The following RTN2 variants were observed in gnomAD, a reference collection of about 807,000 sequenced individuals.
RTN2 encodes the protein reticulon 2.
Under a neutral mutation model 63.7 loss-of-function variants are expected in RTN2, and 36 were observed. The ratio of observed to expected loss-of-function variants is 0.56; its 90% CI spans 0.43 to 0.75. RTN2 has a LOEUF of 0.75. Among genes scored for constraint, RTN2 ranks in the 30% least tolerant of loss-of-function variants. The pLI is 0.00. For synonymous variants in RTN2, 312 were observed against 313.0 expected, an observed-to-expected ratio of 1.00 and a Z score of 0.03; for missense variants, 673 against 705.1, an observed-to-expected ratio of 0.95 and a Z score of 0.52.
chr19:45,495,236 G>T, intron 1 of RTN2, 97 bp from the exon 2 acceptor site: 3 of 1,428,542 alleles, frequency 2.1e-6, no homozygotes, highest in Non-Finnish European at 2.9e-6. Flanking sequence ...TGAATCACGG[G>T]ATTTTTAGAA....
Position 45,485,666 on chromosome 19 carries a change from C to CG in RTN2, c.*41dup. On this transcript the variant is annotated 3_prime_UTR_variant, in exon 11 of 11. Transcript: ENST00000245923. ...AGAGATGGAGGGGGCCAGAGGGCTG[C>CG]GGGGGCTGGGGGCAGGCGTCCTGCG... is the stretch of plus-strand genomic sequence containing the variant. The CG allele has an allele frequency of 6.6e-7, 1 of 1,517,360 alleles. No individual in the cohort carries two copies. 94.0% of individuals were successfully genotyped at this position (1,517,360 alleles called of 1,614,324 possible).
intron 1 of RTN2, among the ~76,000 whole-genome samples, chr19:45,496,114 C>T (rs545945953): frequency 1.3e-5 from 2 of 152,082 alleles, no homozygotes; most frequent in Non-Finnish European, 2.9e-5. Flanking sequence ...GGAATCCAGC[C>T]CCTTAGAGCT....
At chr19:45,490,303 A>G (rs1356048299) in intron 5 of RTN2, among the ~76,000 whole-genome samples, 1 of 152,012 alleles carries the variant, frequency 6.6e-6, no homozygotes. Context: ...CCTGGCCTTA[A>G]TTCATTATTT....
At position 45,486,047 on chromosome 19, in the gene RTN2, G is replaced by A. The variant is rs760822584; in HGVS notation, c.1556+8C>T. The stretch of plus-strand genomic sequence containing the variant: ...CCCCTCCCATCGACCTCCGCCCCAT[G>A]CTCTTACTTAGCTTTGATGTGGCTC... On this transcript the variant is annotated splice_region_variant and intron_variant, in intron 10 of 10. Transcript: ENST00000245923. The A allele has an allele frequency of 6.2e-7, 1 of 1,613,798 alleles. No homozygotes were observed. Among genetic ancestry groups the A allele is most frequent in the Non-Finnish European group, 8.5e-7 (1 of 1,179,752 alleles).
intron 1 of RTN2, among the ~76,000 whole-genome samples, chr19:45,495,686 G>C (rs536638587): frequency 6.6e-6 from 1 of 152,292 alleles, no homozygotes; most frequent in African/African-American, 2.4e-5. Context: ...CAGATGTTCA[G>C]GGACGTCTTC....
chr19:45,490,228 CT>C, intron 5 of RTN2, among the ~76,000 whole-genome samples: 1 of 152,116 alleles, frequency 6.6e-6, no homozygotes, highest in South Asian at 2.1e-4. Context: ...TCTCGAACTC[CT>C]GACCTCGTGG....
intron 9 of RTN2, among the ~76,000 whole-genome samples, chr19:45,487,253 G>A (rs975982231): frequency 4.6e-5 from 7 of 151,646 alleles, no homozygotes; most frequent in African/African-American, 9.7e-5. Flanking sequence ...CTATGTTGCC[G>A]AGGCTGGTCT....
rs891643349 is a variant in RTN2, at chr19:45,494,044, C to T, written c.814+122G>A. 65 of 1,416,512 alleles carry T rather than the reference C, an allele frequency of 4.6e-5. No homozygotes were observed. Among genetic ancestry groups the T allele is most frequent in the Admixed American group, 2.6e-4 (12 of 47,032 alleles). The allele number at this position is 1,416,512 out of a possible 1,614,324, so 87.7% of individuals were successfully genotyped here. A position where few individuals can be genotyped will look rare whatever the true frequency, so the allele number is the denominator to read the frequency against. On this transcript the variant is annotated intron_variant, in intron 4 of 10. Coordinates refer to ENST00000245923, the MANE Select transcript of RTN2 (RefSeq NM_005619.5). The surrounding 1 kb of genome is among the most constrained non-coding windows in gnomAD (Gnocchi z 5.3). ...TCACGTCTAGCCAGATGTGATATCA[C>T]GTCTATCTCTTCCCTTTTCCACTAT... is the stretch of plus-strand genomic sequence containing the variant.
rs3038807 is a variant in RTN2, at chr19:45,496,962, AGCCGCCGCCGCCGCCGCC to A, written c.-155_-138del. The A allele has an allele frequency of 6.8e-5, 23 of 336,590 alleles. No individual in the cohort carries two copies. The highest frequency in any genetic ancestry group is 3.3e-4 in the African/African-American group (15 of 45,224). 20.9% of individuals were successfully genotyped at this position (336,590 alleles called of 1,614,324 possible). A position where few individuals can be genotyped will look rare whatever the true frequency, so the allele number is the denominator to read the frequency against. ...CCGCCTCCTCCTCCCGGGCTGCTCC[AGCCGCCGCCGCCGCCGCC>A]GCCGCCGCCGCCGCCCTGGTGCTCG... On this transcript the variant is annotated 5_prime_UTR_variant, in exon 1 of 11. Transcript: ENST00000245923.
In RTN2 at chr19:45,485,432, T is replaced by C. The variant is rs1180356807; in HGVS notation, c.*276A>G. 4 of 460,320 alleles carry C rather than the reference T, an allele frequency of 8.7e-6. No individual in the cohort carries two copies. The highest frequency in any genetic ancestry group is 5.9e-5 in the African/African-American group (3 of 51,064). 28.5% of individuals were successfully genotyped at this position (460,320 alleles called of 1,614,324 possible). On this transcript the variant is annotated 3_prime_UTR_variant, in exon 11 of 11. Transcript: ENST00000245923. ...GCGCCTCCAGCGGCGGGTCCGGAAG[T>C]GCAGGGTGGTGCCCTGTCTAGGCAA...
Position 45,494,635 on chromosome 19 carries a change from C to T in RTN2, c.450G>A (p.Val150=). ...LRLRLDHLGW[V]ARGTGSGEDS... is the part of the protein sequence containing the mutation. ...CCTCCCCGGATCCCGTTCCCCGGGC[C>T]ACCCAGCCCAGATGGTCCAACCGAA... The change falls in exon 3 of 11, where the codon GTG becomes GTA. Residue 150 remains valine (V), a synonymous_variant. Coordinates refer to ENST00000245923, the MANE Select transcript of RTN2 (RefSeq NM_005619.5). The surrounding 1 kb of genome is among the most constrained non-coding windows in gnomAD (Gnocchi z 5.3). The T allele has an allele frequency of 1.2e-6, 2 of 1,613,928 alleles. No individual in the cohort carries two copies. Among genetic ancestry groups the T allele is most frequent in the Non-Finnish European group, 1.7e-6 (2 of 1,180,032 alleles).
chr19:45,487,032 CTTTT>C (rs34799041), intron 9 of RTN2, among the ~76,000 whole-genome samples: 316 of 39,114 alleles, frequency 8.1e-3, no homozygotes, highest in African/African-American at 0.027. Flanking sequence ...CATGCCCAGC[CTTTT>C]TTTTTTTTTT....
In RTN2 at chr19:45,485,398, C is replaced by T. The variant is rs894798474; in HGVS notation, c.*310G>A. On this transcript the variant is annotated 3_prime_UTR_variant, in exon 11 of 11. Transcript: ENST00000245923. Reference sequence around the variant, plus strand: ...GCTAGTAGCATCCAGGAGACACCAACGCCTCACGGCGCCTCCAGCGGCGGG... The same window carrying T: ...GCTAGTAGCATCCAGGAGACACCAATGCCTCACGGCGCCTCCAGCGGCGGG... 1 of 401,672 alleles carries T rather than the reference C, an allele frequency of 2.5e-6. No individual in the cohort carries two copies. The highest frequency in any genetic ancestry group is 2.0e-5 in the African/African-American group (1 of 50,034). The allele number at this position is 401,672 out of a possible 1,614,324, so 24.9% of individuals were successfully genotyped here.
At chr19:45,495,280 C>T (rs563802263) in intron 1 of RTN2, 141 bp from the exon 2 acceptor site, 2 of 920,838 alleles carry the variant, frequency 2.2e-6, no homozygotes, top group African/African-American at 1.7e-5. Flanking sequence ...CCTAGCATCA[C>T]TGCCTGATGA....
chr19:45,488,394 G>T, intron 9 of RTN2, 77 bp downstream of exon 9: 1 of 1,504,304 alleles, frequency 6.6e-7, no homozygotes, highest in Non-Finnish European at 9.1e-7. Flanking sequence ...TCTGTCAATG[G>T]GACCCCGGTT....
Position 45,494,824 on chromosome 19 carries a change from G to A in RTN2, c.261C>T (p.Arg87=). The A allele has an allele frequency of 6.2e-7, 1 of 1,603,322 alleles. No homozygotes were observed. Among genetic ancestry groups the A allele is most frequent in the Non-Finnish European group, 8.5e-7 (1 of 1,179,804 alleles). The change falls in exon 3 of 11, where the codon CGC becomes CGT. Residue 87 remains arginine, a synonymous_variant. Coordinates refer to ENST00000245923, the MANE Select transcript of RTN2 (RefSeq NM_005619.5). The surrounding 1 kb of genome is among the most constrained non-coding windows in gnomAD (Gnocchi z 5.3). ...GTTCCGAGACTGAGCGGCCCTGGGG[G>A]CGGGGGCGGCGGGCAGTTGAATCCC... The part of the protein sequence containing the change: ...GRRDSTARRP[R]PQGRSVSEPR...
rs753259137 is a variant in RTN2 at position 45,494,930 on chromosome 19, G to A, written c.155C>T (p.Thr52Met). The A allele has an allele frequency of 1.5e-5, 25 of 1,613,796 alleles. No individual in the cohort carries two copies. Among genetic ancestry groups the A allele is most frequent in the Non-Finnish European group, 1.9e-5 (23 of 1,180,020 alleles). Residue 52 changes from threonine to methionine, a missense_variant, in exon 3 of 11, where the codon ACG (threonine) becomes ATG (methionine). Thr to Met is a moderately conservative substitution (Grantham distance 81). Coordinates refer to ENST00000245923, the MANE Select transcript of RTN2 (RefSeq NM_005619.5). The surrounding 1 kb of genome is among the most constrained non-coding windows in gnomAD (Gnocchi z 5.3). ...EFSEEDEEETTSQDWGTPREL... is the reference protein window; with the variant it reads ...EFSEEDEEETMSQDWGTPREL... ...CCGGGGGGTGCCCCAGTCCTGCGAC[G>A]TGGTCTCCTCCTCGTCCTCCTCTGA...
intron 5 of RTN2, among the ~76,000 whole-genome samples, chr19:45,490,600 G>A (rs1469820607): frequency 1.4e-5 from 2 of 148,016 alleles, no homozygotes; most frequent in East Asian, 2.1e-4. Context: ...TTTTTGAGAC[G>A]GATTCTCGCT....
At chr19:45,496,221 G>C (rs1274881637) in intron 1 of RTN2, among the ~76,000 whole-genome samples, 4 of 152,152 alleles carry the variant, frequency 2.6e-5, no homozygotes, top group Non-Finnish European at 5.9e-5. Flanking sequence ...TGGGGAATAG[G>C]AGGCCTGGAA....
Sources: allele counts gnomAD v4.1 joint callset (sites outside exome capture counted in the v4.1 genomes callset), GRCh38; gene constraint gnomAD v4.1.1; non-coding constraint Gnocchi (gnomAD v3.1); transcripts MANE v1.5; gene names NCBI Gene and HGNC (gene_info 2026-07-23, HGNC 2026-07-21).